The following PRUNE2 variants were observed in gnomAD, a reference collection of about 807,000 sequenced individuals.
The protein encoded by PRUNE2 is protein prune homolog 2.
A neutral mutation model predicts 252.0 loss-of-function variants in PRUNE2; 164 were observed. The ratio of observed to expected loss-of-function variants is 0.65; its 90% CI spans 0.57 to 0.74. The LOEUF (loss-of-function observed/expected upper bound fraction) is 0.74, where lower values mean the gene tolerates loss of function less well. PRUNE2 is among the 30% of genes least tolerant of loss of function. The probability of loss-of-function intolerance (pLI) is 0.00; values close to 1 mark genes in which losing one functional copy is unlikely to be tolerated. For synonymous variants in PRUNE2, 1,292 were observed against 1,350.2 expected, an observed-to-expected ratio of 0.96 and a Z score of 0.94; for missense variants, 3,495 against 3,711.0, an observed-to-expected ratio of 0.94 and a Z score of 1.51.
intron 9 of PRUNE2, chr9:76,687,628 T>C: frequency 2.4e-6 from 1 of 424,162 alleles, no homozygotes; most frequent in Non-Finnish European, 4.8e-6. Flanking sequence ...TGATACTCAC[T>C]GTTTGTTTCT....
chr9:76,696,624 C>G (rs1286327062), intron 9 of PRUNE2, among the ~76,000 whole-genome samples: 2 of 152,208 alleles, frequency 1.3e-5, no homozygotes, highest in African/African-American at 4.8e-5. Context: ...CGGGGTTTCT[C>G]CATGTTGGCC....
intron 10 of PRUNE2, among the ~76,000 whole-genome samples, chr9:76,653,128 T>C (rs1406697636): frequency 6.6e-6 from 1 of 152,178 alleles, no homozygotes; most frequent in Non-Finnish European, 1.5e-5. Flanking sequence ...AAACAGGAAG[T>C]AGGAGTTATT....
At chr9:76,807,051 T>TGCACGC (rs2057006464) in intron 6 of PRUNE2, among the ~76,000 whole-genome samples, 1 of 139,338 alleles carries the variant, frequency 7.2e-6, no homozygotes, top group South Asian at 2.3e-4. Context: ...TGTGTGTGTG[T>TGCACGC]GCGCGCGCGC....
intron 6 of PRUNE2, among the ~76,000 whole-genome samples, chr9:76,751,049 G>C (rs1363352421): frequency 2.0e-5 from 3 of 152,184 alleles, no homozygotes; most frequent in Admixed American, 6.5e-5. Flanking sequence ...AATTTGCCAA[G>C]CTTTTTGGCT....
chr9:76,659,493 ATTTAC>A (rs1489004546), intron 9 of PRUNE2, among the ~76,000 whole-genome samples: 1 of 152,186 alleles, frequency 6.6e-6, no homozygotes, highest in African/African-American at 2.4e-5. Flanking sequence ...TCACTTGCCA[ATTTAC>A]TTAACATTTT....
Position 76,629,292 on chromosome 9 carries a change from T to C in PRUNE2, c.9051-2A>G. ...TTAATTTTACTGCTGAATTTTGAAC[T>C]AAAAAAAAAAAAAAGAAAAAAATAT... On this transcript the variant is annotated splice_acceptor_variant, in intron 15 of 18. Coordinates refer to ENST00000376718, the MANE Select transcript of PRUNE2 (RefSeq NM_015225.3). LOFTEE classifies it high-confidence loss of function. 8.6e-7 allele frequency: 1 copy of C among 1,161,084 alleles called. No homozygotes were observed. The highest frequency in any genetic ancestry group is 1.2e-6 in the Non-Finnish European group (1 of 839,758). 71.9% of individuals were successfully genotyped at this position (1,161,084 alleles called of 1,614,324 possible).
intron 6 of PRUNE2, among the ~76,000 whole-genome samples, chr9:76,771,596 C>A (rs573893712): frequency 6.6e-6 from 1 of 152,230 alleles, no homozygotes; most frequent in African/African-American, 2.4e-5. Context: ...GTTTGGGTAA[C>A]ACTAAGCAGA....
At chr9:76,853,361 T>C (rs1421671439) in intron 2 of PRUNE2, among the ~76,000 whole-genome samples, 1 of 152,228 alleles carries the variant, frequency 6.6e-6, no homozygotes, top group East Asian at 1.9e-4. Context: ...TTAAAAATTG[T>C]GTGACATTGA....
At chr9:76,873,525 C>T (rs2061332687) in intron 1 of PRUNE2, among the ~76,000 whole-genome samples, 2 of 152,266 alleles carry the variant, frequency 1.3e-5, no homozygotes, top group South Asian at 2.1e-4. Flanking sequence ...TTCAAGGGAT[C>T]GCTGGTAAAT....
chr9:76,869,236 G>A (rs1166226150), intron 1 of PRUNE2: 1 of 152,228 alleles, frequency 6.6e-6, no homozygotes, highest in Non-Finnish European at 1.5e-5. Context: ...CTCAGACATG[G>A]CAGTAATGAA....
intron 9 of PRUNE2, among the ~76,000 whole-genome samples, chr9:76,658,217 G>C (rs1372405756): frequency 6.6e-6 from 1 of 152,226 alleles, no homozygotes; most frequent in Non-Finnish European, 1.5e-5. Context: ...AATTAGCTGG[G>C]TGTGGTGGCG....
intron 1 of PRUNE2, chr9:76,862,299 A>T (rs997590769): frequency 6.6e-6 from 1 of 152,346 alleles, no homozygotes; most frequent in Non-Finnish European, 1.5e-5. Flanking sequence ...CATGCCTGTA[A>T]TCCCAGCTAC....
chr9:76,728,901 T>C (rs2048337907), intron 6 of PRUNE2, among the ~76,000 whole-genome samples: 1 of 152,188 alleles, frequency 6.6e-6, no homozygotes, highest in Admixed American at 6.5e-5. Flanking sequence ...CAATCAGCCC[T>C]CAATACATAG....
intron 6 of PRUNE2, among the ~76,000 whole-genome samples, chr9:76,747,525 C>G (rs1266452956): frequency 6.6e-6 from 1 of 152,118 alleles, no homozygotes; most frequent in Admixed American, 6.5e-5. Flanking sequence ...TGCCTAAGGT[C>G]ACACGAGGTC....
intron 6 of PRUNE2, among the ~76,000 whole-genome samples, chr9:76,804,349 T>C (rs1345938212): frequency 6.6e-6 from 1 of 152,146 alleles, no homozygotes; most frequent in African/African-American, 2.4e-5. Flanking sequence ...AACCCATGTG[T>C]TTCAAAATTT....
chr9:76,645,330 T>C (rs1347587784), intron 11 of PRUNE2, among the ~76,000 whole-genome samples: 1 of 152,182 alleles, frequency 6.6e-6, no homozygotes, highest in South Asian at 2.1e-4. Flanking sequence ...CCACATCTCT[T>C]CAGTGCTCAG....
chr9:76,735,422 T>C (rs1361831076), intron 6 of PRUNE2, among the ~76,000 whole-genome samples: 7 of 67,902 alleles, frequency 1.0e-4, no homozygotes, highest in African/African-American at 2.0e-4. Flanking sequence ...CTTTCTTCTT[T>C]TTTTTTTTTT....
At chr9:76,742,863 G>A (rs1167163283) in intron 6 of PRUNE2, among the ~76,000 whole-genome samples, 3 of 152,188 alleles carry the variant, frequency 2.0e-5, no homozygotes, top group Non-Finnish European at 4.4e-5. Context: ...AAGGATACAG[G>A]AAAACCTCTC....
At chr9:76,648,128 T>C (rs1396462984) in intron 11 of PRUNE2, among the ~76,000 whole-genome samples, 1 of 152,156 alleles carries the variant, frequency 6.6e-6, no homozygotes, top group East Asian at 1.9e-4. Flanking sequence ...AAGATACCAC[T>C]ACATACCTAT....
Sources: gnomAD v4.1 joint callset for allele counts (sites outside exome capture counted in the v4.1 genomes callset) on GRCh38, gnomAD v4.1.1 for gene constraint, MANE v1.5 for transcripts, NCBI Gene and HGNC (gene_info 2026-07-23, HGNC 2026-07-21) for gene names.